The following TGFBR2 variants were observed in gnomAD, a reference collection of about 807,000 sequenced individuals.
The protein encoded by TGFBR2 is TGF-beta receptor type-2.
Under a neutral mutation model 49.0 loss-of-function variants are expected in TGFBR2, and 18 were observed. The observed-to-expected ratio is 0.37, with a 90% CI of 0.25 to 0.54. The LOEUF (loss-of-function observed/expected upper bound fraction) is 0.54. Among genes scored for constraint, TGFBR2 ranks in the 20% least tolerant of loss-of-function variants. The pLI, the probability that TGFBR2 is intolerant of heterozygous loss-of-function variation, is 0.85. For synonymous variants in TGFBR2, 282 were observed against 275.9 expected, an observed-to-expected ratio of 1.02 and a Z score of -0.22; for missense variants, 525 against 722.6, an observed-to-expected ratio of 0.73 and a Z score of 3.13.
intron 3 of TGFBR2, among the ~76,000 whole-genome samples, chr3:30,654,756 C>G (rs139386664): frequency 6.6e-6 from 1 of 152,296 alleles, no homozygotes; most frequent in Non-Finnish European, 1.5e-5. Context: ...GAGCAAATAG[C>G]CATGCTGTTT....
In TGFBR2 at chr3:30,622,879, C is replaced by CAA. The variant is rs10575244; in HGVS notation, c.94+15928_94+15929dup. Among the ~76,000 whole-genome samples, 42 of 75,646 alleles carry CAA rather than the reference C, an allele frequency of 5.6e-4. No homozygotes were observed. The South Asian group carries it at 0.011, about 20-fold the overall frequency. The allele number at this position is 75,646 out of a possible 152,430, so 49.6% of individuals were successfully genotyped here. On this transcript the variant is annotated intron_variant, in intron 1 of 6. Transcript: ENST00000295754. ...TGGGCAACAGAGCGAGACTTTGTCT[C>CAA]AAAAAAAAAAAAAAAAAAAAAAAAA...
chr3:30,656,664 A>G (rs1223066192), intron 3 of TGFBR2, among the ~76,000 whole-genome samples: 3 of 152,210 alleles, frequency 2.0e-5, no homozygotes, highest in African/African-American at 7.2e-5. Flanking sequence ...GACCACTTCC[A>G]GCTCCCAAAT....
chr3:30,621,829 G>A (rs930174502), intron 1 of TGFBR2, among the ~76,000 whole-genome samples: 1 of 152,184 alleles, frequency 6.6e-6, no homozygotes, highest in African/African-American at 2.4e-5. Context: ...TTATTACTGA[G>A]ATGCCTGTGG....
chr3:30,687,506 G>A lies in TGFBR2; in HGVS notation c.1397-878G>A, dbSNP rs1699643639. Among the ~76,000 whole-genome samples the A allele has an allele frequency of 2.0e-5, 3 of 152,206 alleles. No homozygotes were observed. In the South Asian group the frequency reaches 6.2e-4, roughly 32 times the overall value. The stretch of plus-strand genomic sequence containing the variant: ...CCTAAAGTGCTGGGATTACACACAT[G>A]AGCCACAGCACCTGGCCTGTAGACA... On this transcript the variant is annotated intron_variant, in intron 5 of 6. Transcript: ENST00000295754.
chr3:30,606,804 G>T lies in TGFBR2; in HGVS notation c.-80G>T. The T allele has an allele frequency of 9.3e-7, 1 of 1,080,728 alleles. No homozygotes were observed. Among genetic ancestry groups the T allele is most frequent in the Non-Finnish European group, 1.2e-6 (1 of 825,944 alleles). 66.9% of individuals were successfully genotyped at this position (1,080,728 alleles called of 1,614,324 possible). A position where few individuals can be genotyped will look rare whatever the true frequency, so the allele number is the denominator to read the frequency against. On this transcript the variant is annotated 5_prime_UTR_variant, in exon 1 of 7. Transcript: ENST00000295754. ...GCGCGGGGTCCGGAGAGGGCGCGGC[G>T]CGGAGGCGCAGCCAGGGGTCCGGGA... is the stretch of plus-strand genomic sequence containing the variant.
At chr3:30,656,056 A>G (rs1698989947) in intron 3 of TGFBR2, among the ~76,000 whole-genome samples, 1 of 152,214 alleles carries the variant, frequency 6.6e-6, no homozygotes, top group Non-Finnish European at 1.5e-5. Flanking sequence ...TGAACTCACC[A>G]GGTAGGGATG....
intron 1 of TGFBR2, among the ~76,000 whole-genome samples, chr3:30,624,108 A>G (rs1486299186): frequency 6.6e-6 from 1 of 152,100 alleles, no homozygotes; most frequent in Non-Finnish European, 1.5e-5. Flanking sequence ...ATGCCATTGC[A>G]CTCCAGCCTG....
chr3:30,662,134 A>G (rs1175418173), intron 3 of TGFBR2, among the ~76,000 whole-genome samples: 3 of 152,244 alleles, frequency 2.0e-5, no homozygotes, highest in East Asian at 1.9e-4. Context: ...AGGACCAATA[A>G]TAGAAGCACA....
intron 1 of TGFBR2, among the ~76,000 whole-genome samples, chr3:30,616,848 A>G (rs1447772785): frequency 6.6e-6 from 1 of 152,172 alleles, no homozygotes; most frequent in Non-Finnish European, 1.5e-5. Context: ...CTGAGCATAC[A>G]TCCTGACTAA....
rs71093918 is a variant in TGFBR2, at chr3:30,631,621, CTT to C, written c.95-13105_95-13104del. Among the ~76,000 whole-genome samples, 752 of 115,358 alleles carry C rather than the reference CTT, an allele frequency of 6.5e-3. 4 individuals carry two copies. Among genetic ancestry groups the C allele is most frequent in the African/African-American group, 9.8e-3 (317 of 32,314 alleles). The allele number at this position is 115,358 out of a possible 152,430, so 75.7% of individuals were successfully genotyped here. A position where few individuals can be genotyped will look rare whatever the true frequency, so the allele number is the denominator to read the frequency against. ...CCTTAACAATACTTGCAACTTCTTT[CTT>C]TTTTTTTTTTTTTTTTTTTTACTTC... On this transcript the variant is annotated intron_variant, in intron 1 of 6. Coordinates refer to ENST00000295754, the MANE Select transcript of TGFBR2 (RefSeq NM_003242.6).
At chr3:30,608,498 G>A (rs1169867787) in intron 1 of TGFBR2, among the ~76,000 whole-genome samples, 1 of 152,156 alleles carries the variant, frequency 6.6e-6, no homozygotes, top group Non-Finnish European at 1.5e-5. Context: ...TAGAGGAGTT[G>A]ACAGTCCACA....
chr3:30,658,067 TACTCA>T (rs1699041564), intron 3 of TGFBR2, among the ~76,000 whole-genome samples: 1 of 152,240 alleles, frequency 6.6e-6, no homozygotes, highest in African/African-American at 2.4e-5. Flanking sequence ...CTGTCACAGC[TACTCA>T]ACTCTTCTGT....
At chr3:30,624,225 C>G (rs1373532271) in intron 1 of TGFBR2, among the ~76,000 whole-genome samples, 2 of 152,048 alleles carry the variant, frequency 1.3e-5, no homozygotes, top group Non-Finnish European at 2.9e-5. Flanking sequence ...ACACAGACAT[C>G]TAATATTTAG....
intron 1 of TGFBR2, among the ~76,000 whole-genome samples, chr3:30,636,733 C>CGTGTGTGTGTGTGT (rs3076736): frequency 5.5e-5 from 8 of 146,694 alleles, no homozygotes; most frequent in African/African-American, 1.8e-4. Context: ...TGTGTGTGCA[C>CGTGTGTGTGTGTGT]GTGTGTGTGT....
At chr3:30,631,551 A>C (rs937618149) in intron 1 of TGFBR2, among the ~76,000 whole-genome samples, 1 of 151,890 alleles carries the variant, frequency 6.6e-6, no homozygotes, top group Non-Finnish European at 1.5e-5. Flanking sequence ...GCAGATTCTC[A>C]GATTTTGTTT....
chr3:30,642,606 T>C (rs994515754), intron 1 of TGFBR2, among the ~76,000 whole-genome samples: 1 of 152,214 alleles, frequency 6.6e-6, no homozygotes, highest in Admixed American at 6.5e-5. Context: ...GGAAATTTGG[T>C]TTTATATTTA....
Position 30,692,474 on chromosome 3 carries a change from A to G in TGFBR2, c.*875A>G, listed in dbSNP as rs568093577. ...CATCCATGCGATTGCCCCACCATCT[A>G]CTAATGAAAAATTGTTCTTTTTTTC... On this transcript the variant is annotated 3_prime_UTR_variant, in exon 7 of 7. Coordinates refer to ENST00000295754, the MANE Select transcript of TGFBR2 (RefSeq NM_003242.6). 1.3e-5 allele frequency: 3 copies of G among 232,726 alleles called. No individual in the cohort carries two copies. The highest frequency in any genetic ancestry group is 4.4e-5 in the African/African-American group (2 of 45,422). 14.4% of individuals were successfully genotyped at this position (232,726 alleles called of 1,614,324 possible).
chr3:30,679,043 C>T (rs187765306), intron 5 of TGFBR2, among the ~76,000 whole-genome samples: 4 of 152,288 alleles, frequency 2.6e-5, no homozygotes, highest in Admixed American at 2.6e-4. Context: ...CACCTCCACG[C>T]CACATTCTCA....
chr3:30,617,760 G>A (rs80283818), intron 1 of TGFBR2, among the ~76,000 whole-genome samples: 3,091 of 152,180 alleles, frequency 0.02, 118 homozygotes, highest in African/African-American at 0.071. Flanking sequence ...ATACCTTGCC[G>A]CTTACAGGAG....
Sources: gnomAD v4.1 joint callset for allele counts (sites outside exome capture counted in the v4.1 genomes callset) on GRCh38, gnomAD v4.1.1 for gene constraint, MANE v1.5 for transcripts, NCBI Gene and HGNC (gene_info 2026-07-23, HGNC 2026-07-21) for gene names.